UNC13B: variants seen among roughly 807,000 people sequenced by gnomAD.
The protein encoded by UNC13B is unc-13 homolog B.
UNC13B carries 144 observed loss-of-function variants against 211.0 expected under a neutral mutation model. The ratio of observed to expected loss-of-function variants is 0.68; its 90% CI spans 0.60 to 0.78. UNC13B has a LOEUF of 0.78. UNC13B is among the 30% of genes least tolerant of loss of function. The pLI, the probability that UNC13B is intolerant of heterozygous loss-of-function variation, is 0.00. For missense variants in UNC13B, 1,777 were observed against 2,002.0 expected (o/e 0.89, Z 2.14); for synonymous variants, 709 against 725.8 (o/e 0.98, Z 0.37).
At chr9:35,328,032 C>A (rs190098746) in intron 11 of UNC13B, among the ~76,000 whole-genome samples, 1 of 152,138 alleles carries the variant, frequency 6.6e-6, no homozygotes, top group Non-Finnish European at 1.5e-5. Flanking sequence ...TTCTTCTTTT[C>A]TTTTTCGAGA....
chr9:35,169,068 T>C (rs145871564), intron 1 of UNC13B, among the ~76,000 whole-genome samples: 138 of 152,328 alleles, frequency 9.1e-4, no homozygotes, highest in African/African-American at 3.2e-3. Flanking sequence ...AACTCGTTAC[T>C]GGACAGGTGA....
chr9:35,270,830 C>T (rs1221503298), intron 7 of UNC13B, among the ~76,000 whole-genome samples: 1 of 151,900 alleles, frequency 6.6e-6, no homozygotes, highest in Non-Finnish European at 1.5e-5. Context: ...TCCAGTTGTC[C>T]TAAGACCATT....
At chr9:35,270,360 T>A (rs1023859574) in intron 7 of UNC13B, among the ~76,000 whole-genome samples, 1 of 151,670 alleles carries the variant, frequency 6.6e-6, no homozygotes, top group Non-Finnish European at 1.5e-5. Flanking sequence ...TGTGTGTGTG[T>A]GTATGTATGT....
chr9:35,391,222 A>G (rs937642946), intron 26 of UNC13B, among the ~76,000 whole-genome samples: 1 of 152,166 alleles, frequency 6.6e-6, no homozygotes, highest in East Asian at 1.9e-4. Flanking sequence ...GCAAATTATT[A>G]TTCATCTTAC....
intron 6 of UNC13B, among the ~76,000 whole-genome samples, chr9:35,249,318 G>T (rs936083118): frequency 8.5e-5 from 13 of 152,234 alleles, no homozygotes; most frequent in African/African-American, 3.1e-4. Context: ...CAATTTGCCA[G>T]TCTGTGTCTT....
chr9:35,275,002 T>C (rs1828090517), intron 7 of UNC13B, among the ~76,000 whole-genome samples: 1 of 152,236 alleles, frequency 6.6e-6, no homozygotes, highest in Non-Finnish European at 1.5e-5. Context: ...TGATTTAAAG[T>C]TGTAGAATGT....
chr9:35,322,887 T>C (rs1165847422), intron 11 of UNC13B, among the ~76,000 whole-genome samples: 4 of 152,088 alleles, frequency 2.6e-5, no homozygotes, highest in African/African-American at 9.7e-5. Flanking sequence ...CCCTCCTTTT[T>C]CTCACAACTT....
In UNC13B at chr9:35,303,521, C is replaced by A. The variant is rs1207702940; in HGVS notation, c.4117C>A (p.Gln1373Lys). The change falls in exon 9 of 40, where the codon CAG (glutamine) becomes AAG (lysine). Residue 1373 changes from glutamine (Q) to lysine (K), a missense_variant. By Grantham distance (53) the Gln-to-Lys change is moderately conservative (BLOSUM62 1). Coordinates refer to ENST00000635942, the MANE Select transcript of UNC13B (RefSeq NM_001371189.2). ...TTTGTCTAAAAATTCCAGAAAACTTCAGCCAGTTTATTATATGTTAAATCA... is the reference window on the plus strand; with the variant it reads ...TTTGTCTAAAAATTCCAGAAAACTTAAGCCAGTTTATTATATGTTAAATCA... Reference protein sequence around the residue: ...KDLSKNSRKLQPVYYMLNQNR... With the variant: ...KDLSKNSRKLKPVYYMLNQNR... 5.0e-6 allele frequency: 2 copies of A among 398,738 alleles called. No individual in the cohort carries two copies. The highest frequency in any genetic ancestry group is 8.9e-6 in the Non-Finnish European group (2 of 225,832). The allele number at this position is 398,738 out of a possible 1,614,324, so 24.7% of individuals were successfully genotyped here.
chr9:35,182,777 A>T (rs1822013581), intron 1 of UNC13B, among the ~76,000 whole-genome samples: 1 of 152,226 alleles, frequency 6.6e-6, no homozygotes, highest in African/African-American at 2.4e-5. Context: ...TTCAGAGAGC[A>T]CTGGGTTGGG....
chr9:35,249,540 G>T (rs1158700706), intron 6 of UNC13B, among the ~76,000 whole-genome samples: 13 of 152,202 alleles, frequency 8.5e-5, no homozygotes, highest in African/African-American at 2.4e-4. Flanking sequence ...AGCTCTTGTA[G>T]GGCATGCCTG....
At position 35,300,557 on chromosome 9, in the gene UNC13B, C is replaced by T. The variant is rs1829622738; in HGVS notation, c.1153C>T (p.Pro385Ser). 2.5e-6 allele frequency: 1 copy of T among 398,878 alleles called. No homozygotes were observed. Among genetic ancestry groups the T allele is most frequent in the Non-Finnish European group, 4.4e-6 (1 of 226,012 alleles). The allele number at this position is 398,878 out of a possible 1,614,324, so 24.7% of individuals were successfully genotyped here. A position where few individuals can be genotyped will look rare whatever the true frequency, so the allele number is the denominator to read the frequency against. The change falls in exon 9 of 40, where the codon CCC (proline) becomes TCC (serine). Residue 385 changes from proline (P) to serine (S), a missense_variant. Pro to Ser is a moderately conservative substitution (Grantham distance 74, BLOSUM62 -1). Transcript: ENST00000635942. ...SSTSDELLGS[P>S]ISDKQENLQS... ...TACTTCTGATGAACTTCTGGGTTCC[C>T]CCATTTCTGATAAGCAGGAAAATTT...
At chr9:35,193,820 TAG>T (rs1032567661) in intron 1 of UNC13B, among the ~76,000 whole-genome samples, 6 of 152,268 alleles carry the variant, frequency 3.9e-5, no homozygotes, top group Non-Finnish European at 7.4e-5. Flanking sequence ...TGGTTTGTAG[TAG>T]AGAGGCTCAA....
intron 1 of UNC13B, among the ~76,000 whole-genome samples, chr9:35,225,234 C>T (rs1824767880): frequency 6.6e-6 from 1 of 152,166 alleles, no homozygotes; most frequent in African/African-American, 2.4e-5. Flanking sequence ...TATCTCAGCT[C>T]ACTTCAACCT....
Position 35,370,379 on chromosome 9 carries a change from C to A in UNC13B, c.9523C>A (p.Pro3175Thr). Residue 3175 changes from proline (P) to threonine (T), a missense_variant, in exon 13 of 40, where the codon CCA becomes ACA. Transcript: ENST00000635942. ...AGATTTACGCAGAAAGAAGCCACTG[C>A]CACTTGTCAGTGATCTGGTGAGTGA... is the stretch of plus-strand genomic sequence containing the variant. ...MPDLRRKKPL[P>T]LVSDLSLVQS... 1 of 1,613,832 alleles carries A rather than the reference C, an allele frequency of 6.2e-7. No homozygotes were observed. Among genetic ancestry groups the A allele is most frequent in the Non-Finnish European group, 8.5e-7 (1 of 1,179,960 alleles).
chr9:35,167,985 C>G (rs1251626658), intron 1 of UNC13B, among the ~76,000 whole-genome samples: 1 of 151,740 alleles, frequency 6.6e-6, no homozygotes, highest in East Asian at 1.9e-4. Flanking sequence ...GTAGTACGAT[C>G]GTGGCTCACT....
chr9:35,215,141 C>T (rs976253745), intron 1 of UNC13B, among the ~76,000 whole-genome samples: 1 of 152,172 alleles, frequency 6.6e-6, no homozygotes, highest in Admixed American at 6.6e-5. Context: ...AGTGGTGGCT[C>T]ATGCCTATCA....
chr9:35,275,064 G>C (rs185058134), intron 7 of UNC13B, among the ~76,000 whole-genome samples: 1 of 151,896 alleles, frequency 6.6e-6, no homozygotes, highest in Admixed American at 6.6e-5. Flanking sequence ...CTTTACCTTG[G>C]CTGGATAAAG....
chr9:35,313,984 C>T lies in UNC13B; in HGVS notation c.9409C>T (p.Gln3137Ter). Residue 3137 changes from glutamine (Q) to a stop codon, truncating the protein, a stop_gained, in exon 11 of 40, where the codon CAG (glutamine) becomes TAG (stop). Transcript: ENST00000635942. LOFTEE classifies it high-confidence loss of function. The stretch of plus-strand genomic sequence containing the variant: ...AGTTACCAAGGTTCGACTCCAGCTG[C>T]AGGAGGTAGGAAATCTGTTCTAGTA... ...RAVTKVRLQL[Q>*]EIPDDGDPSL... is the part of the protein sequence containing the mutation. 1.2e-6 allele frequency: 2 copies of T among 1,613,250 alleles called. No homozygotes were observed. The highest frequency in any genetic ancestry group is 1.1e-5 in the South Asian group (1 of 91,074).
intron 1 of UNC13B, among the ~76,000 whole-genome samples, chr9:35,204,227 A>G (rs955154385): frequency 6.6e-6 from 1 of 152,194 alleles, no homozygotes; most frequent in Non-Finnish European, 1.5e-5. Context: ...CTCCATCTAG[A>G]TTTCAGAGGA....
Sources: allele counts gnomAD v4.1 joint callset (sites outside exome capture counted in the v4.1 genomes callset), GRCh38; gene constraint gnomAD v4.1.1; transcripts MANE v1.5; gene names NCBI Gene and HGNC (gene_info 2026-07-23, HGNC 2026-07-21).